The following CCDC15 variants were observed in gnomAD, a reference collection of about 807,000 sequenced individuals.
The protein encoded by CCDC15 is coiled-coil domain-containing protein 15.
CCDC15 carries 105 observed loss-of-function variants against 114.5 expected under a neutral mutation model. The ratio of observed to expected loss-of-function variants is 0.92; its 90% confidence interval spans 0.78 to 1.08. The LOEUF is 1.08. CCDC15 is among the 50% of genes least tolerant of loss of function. The probability of loss-of-function intolerance (pLI) is 0.00; values close to 1 mark genes in which losing one functional copy is unlikely to be tolerated. For missense variants in CCDC15, 1,105 were observed against 1,093.6 expected, an observed-to-expected ratio of 1.01 and a Z score of -0.15; for synonymous variants, 334 against 377.8, an observed-to-expected ratio of 0.88 and a Z score of 1.34.
chr11:125,016,662 G>C (rs190599826), intron 13 of CCDC15, among the ~76,000 whole-genome samples: 1 of 152,244 alleles, frequency 6.6e-6, no homozygotes, highest in African/African-American at 2.4e-5. Context: ...TCATATGTAA[G>C]CATTTTACAG....
At chr11:124,955,426 A>G (rs865946395) in intron 2 of CCDC15, among the ~76,000 whole-genome samples, 3 of 152,220 alleles carry the variant, frequency 2.0e-5, no homozygotes, top group Non-Finnish European at 4.4e-5. Flanking sequence ...ATGGTTTCTG[A>G]TAGTCTTTCA....
At position 124,959,143 on chromosome 11, in the gene CCDC15, TA is replaced by T; in HGVS notation, c.209del (p.Lys70ArgfsTer4). 6.3e-7 allele frequency: 1 copy of T among 1,581,074 alleles called. No homozygotes were observed. Among genetic ancestry groups the T allele is most frequent in the Non-Finnish European group, 8.6e-7 (1 of 1,165,954 alleles). ...YTSAYLIEEE[L>X]KEQLRKKQEA... ...TCAGCATATTTAATTGAAGAAGAAC[TA>T]AAGGAACAGCTAAGAAAAAAACAAG... On this transcript the variant is annotated frameshift_variant, in exon 3 of 16. Transcript: ENST00000344762. LOFTEE classifies it high-confidence loss of function.
rs1948186268 is a variant in CCDC15, at chr11:124,987,337, G to A, written c.1111G>A (p.Glu371Lys). 1.9e-6 allele frequency: 3 copies of A among 1,613,494 alleles called. No homozygotes were observed. In the East Asian group the frequency reaches 6.7e-5, roughly 36 times the overall value. ...TGTTGAAATGAAGGTTCAGGTTACT[G>A]AGCCAGAAGGCCAGGCCATTGAGCC... The part of the protein sequence containing the change: ...QAVEMKVQVT[E>K]PEGQAIEPEG... The change falls in exon 8 of 16, where the codon GAG becomes AAG. Residue 371 changes from glutamate (E) to lysine (K), a missense_variant. Coordinates refer to ENST00000344762, the MANE Select transcript of CCDC15 (RefSeq NM_025004.3).
intron 2 of CCDC15, among the ~76,000 whole-genome samples, chr11:124,956,357 C>T (rs1273816740): frequency 6.6e-6 from 1 of 151,910 alleles, no homozygotes; most frequent in East Asian, 1.9e-4. Flanking sequence ...GATTGAAGTG[C>T]TTGAGCCCAC....
intron 6 of CCDC15, among the ~76,000 whole-genome samples, chr11:124,979,029 T>G (rs1948023099): frequency 6.6e-6 from 1 of 152,176 alleles, no homozygotes; most frequent in African/African-American, 2.4e-5. Context: ...TAGCCAAATA[T>G]ATCCCAGTAC....
intron 13 of CCDC15, among the ~76,000 whole-genome samples, chr11:125,020,784 A>G (rs978353360): frequency 2.6e-5 from 4 of 152,034 alleles, no homozygotes; most frequent in Non-Finnish European, 5.9e-5. Flanking sequence ...ATTGGAGAAG[A>G]GCAGAAACTT....
At chr11:125,008,131 A>G (rs1266613624) in intron 13 of CCDC15, among the ~76,000 whole-genome samples, 1 of 152,196 alleles carries the variant, frequency 6.6e-6, no homozygotes. Flanking sequence ...TGACATCTTG[A>G]CAATATTGAG....
chr11:124,968,821 A>G (rs1947831176), intron 4 of CCDC15, among the ~76,000 whole-genome samples: 1 of 152,062 alleles, frequency 6.6e-6, no homozygotes, highest in African/African-American at 2.4e-5. Context: ...TATTATCTCC[A>G]TATGTGGCCA....
intron 13 of CCDC15, among the ~76,000 whole-genome samples, chr11:125,034,347 G>A (rs932659847): frequency 6.6e-6 from 1 of 152,200 alleles, no homozygotes; most frequent in Non-Finnish European, 1.5e-5. Flanking sequence ...CATTTTAACA[G>A]TAGACACCTG....
At chr11:124,982,522 A>G (rs1456691317) in intron 6 of CCDC15, among the ~76,000 whole-genome samples, 1 of 152,138 alleles carries the variant, frequency 6.6e-6, no homozygotes, top group African/African-American at 2.4e-5. Context: ...TCTGAAAAAT[A>G]TCTTATTTCT....
chr11:124,960,108 T>A, intron 4 of CCDC15, 105 bp downstream of exon 4: 3 of 694,000 alleles, frequency 4.3e-6, no homozygotes, highest in Non-Finnish European at 2.1e-6. Context: ...GTTATCACAC[T>A]CAGCTTCACT....
rs1458082152 is a variant in CCDC15, at chr11:125,040,596, C to T, written c.2741C>T (p.Thr914Ile). ...TGCAAACCTTTTTTTGCAGCATATA[C>T]TCGGGCACTACATTCATTCATCAAT... ...CIFYKNHRAY[T>I]RALHSFINSC... Residue 914 changes from threonine to isoleucine, a missense_variant, in exon 16 of 16, where the codon ACT becomes ATT. Thr to Ile is a moderately conservative substitution (Grantham distance 89). Transcript: ENST00000344762. 1.1e-5 allele frequency: 17 copies of T among 1,606,852 alleles called. No individual in the cohort carries two copies. The highest frequency in any genetic ancestry group is 1.4e-5 in the Non-Finnish European group (17 of 1,176,326).
chr11:125,038,839 T>A (rs763039069), intron 14 of CCDC15, 82 bp from the exon 15 acceptor site: 1 of 1,465,624 alleles, frequency 6.8e-7, no homozygotes, highest in African/African-American at 1.4e-5. Flanking sequence ...GATTTAACAG[T>A]TAAATCTGGC....
In CCDC15 at chr11:124,986,834, G is replaced by C; in HGVS notation, c.846G>C (p.Gln282His). Reference protein sequence around the residue: ...GKEDLFGRGQQDQQAIHSEDK... With the variant: ...GKEDLFGRGQHDQQAIHSEDK... ...AAGATTTGTTTGGGAGAGGCCAGCAGGACCAGCAGGCTATCCATTCTGAAG... is the reference window on the plus strand; with the variant it reads ...AAGATTTGTTTGGGAGAGGCCAGCACGACCAGCAGGCTATCCATTCTGAAG... The change falls in exon 7 of 16, where the codon CAG becomes CAC. Residue 282 changes from glutamine to histidine, a missense_variant. Physicochemically the swap from Gln to His is conservative, Grantham distance 24 (BLOSUM62 0). Transcript: ENST00000344762. 6.4e-7 allele frequency: 1 copy of C among 1,560,306 alleles called. No individual in the cohort carries two copies. The highest frequency in any genetic ancestry group is 8.7e-7 in the Non-Finnish European group (1 of 1,151,210).
At chr11:125,024,322 G>C (rs980233663) in intron 13 of CCDC15, among the ~76,000 whole-genome samples, 1 of 151,944 alleles carries the variant, frequency 6.6e-6, no homozygotes, top group Non-Finnish European at 1.5e-5. Flanking sequence ...ATTTTTGTGT[G>C]AATTTAAAAA....
chr11:124,996,601 T>G (rs1027021628), intron 11 of CCDC15, among the ~76,000 whole-genome samples: 1 of 152,222 alleles, frequency 6.6e-6, no homozygotes, highest in Non-Finnish European at 1.5e-5. Flanking sequence ...TTCAGTGGTG[T>G]TAAGTACACT....
chr11:124,957,857 G>A (rs1448690878), intron 2 of CCDC15, among the ~76,000 whole-genome samples: 1 of 152,146 alleles, frequency 6.6e-6, no homozygotes, highest in African/African-American at 2.4e-5. Flanking sequence ...TGGAATCACT[G>A]AGTTAGAAGG....
chr11:125,014,799 C>G (rs1319425905), intron 13 of CCDC15, among the ~76,000 whole-genome samples: 1 of 152,050 alleles, frequency 6.6e-6, no homozygotes, highest in East Asian at 1.9e-4. Context: ...TAAACATAGA[C>G]CTACTATATG....
chr11:124,963,371 T>A lies in CCDC15; in HGVS notation c.516+3368T>A, dbSNP rs541706280. Reference sequence around the variant, plus strand: ...AGATGGTATCTCATTGTGGTTTTGATTTACATTTCTCTGATGGCCAGTGAT... The same window carrying A: ...AGATGGTATCTCATTGTGGTTTTGAATTACATTTCTCTGATGGCCAGTGAT... On this transcript the variant is annotated intron_variant, in intron 4 of 15. Coordinates refer to ENST00000344762, the MANE Select transcript of CCDC15 (RefSeq NM_025004.3). Among the ~76,000 whole-genome samples the A allele has an allele frequency of 4.5e-3, 688 of 152,350 alleles. 5 individuals are homozygous for A. Among genetic ancestry groups the A allele is most frequent in the African/African-American group, 0.016 (655 of 41,586 alleles).
Sources: allele counts gnomAD v4.1 joint callset (sites outside exome capture counted in the v4.1 genomes callset), GRCh38; gene constraint gnomAD v4.1.1; transcripts MANE v1.5; gene names NCBI Gene and HGNC (gene_info 2026-07-23, HGNC 2026-07-21).